Variants in UBXN2A observed in about 807,000 individuals in gnomAD.
UBXN2A encodes the protein UBX domain-containing protein 2A.
A neutral mutation model predicts 28.4 loss-of-function variants in UBXN2A; 28 were observed. The ratio of observed to expected loss-of-function variants is 0.99; its 90% CI spans 0.73 to 1.35. The LOEUF is 1.35. Among genes scored for constraint, UBXN2A ranks in the 40% most tolerant of loss-of-function variants. UBXN2A has a pLI of 0.00. For synonymous variants in UBXN2A, 97 were observed against 103.6 expected (o/e 0.94, Z 0.39); for missense variants, 253 against 297.9 (o/e 0.85, Z 1.11).
Position 23,958,281 on chromosome 2 carries a change from C to T in UBXN2A, c.-14-20C>T. ...TTTTTACTTACTTTCTTTTTACTTACTTTCTTTGTACTTTTACAGTAAGGC... is the reference window on the plus strand; with the variant it reads ...TTTTTACTTACTTTCTTTTTACTTATTTTCTTTGTACTTTTACAGTAAGGC... On this transcript the variant is annotated intron_variant, in intron 1 of 6. Transcript: ENST00000309033. 1 of 1,572,402 alleles carries T rather than the reference C, an allele frequency of 6.4e-7. No homozygotes were observed. Among genetic ancestry groups the T allele is most frequent in the South Asian group, 1.2e-5 (1 of 83,064 alleles).
intron 3 of UBXN2A, among the ~76,000 whole-genome samples, chr2:23,973,240 C>T (rs749269843): frequency 6.6e-6 from 1 of 151,916 alleles, no homozygotes; most frequent in Admixed American, 6.6e-5. Flanking sequence ...AGGCTGGTCT[C>T]GAACTCCTGA....
At position 24,003,585 on chromosome 2, in the gene UBXN2A, G is replaced by A. The variant is rs1294764303; in HGVS notation, c.*3718G>A. On this transcript the variant is annotated 3_prime_UTR_variant, in exon 7 of 7. Coordinates refer to ENST00000309033, the MANE Select transcript of UBXN2A (RefSeq NM_181713.4). Reference sequence around the variant, plus strand: ...CTCTTTTAATTAGGAAGAGAGGGAGGACAAAGGAGAGCCTTTTCTTTTGTC... The same window carrying A: ...CTCTTTTAATTAGGAAGAGAGGGAGAACAAAGGAGAGCCTTTTCTTTTGTC... 6.6e-6 allele frequency: 1 copy of A among 152,042 alleles called. No homozygotes were observed. The highest frequency in any genetic ancestry group is 1.5e-5 in the Non-Finnish European group (1 of 68,014). 9.4% of individuals were successfully genotyped at this position (152,042 alleles called of 1,614,324 possible).
chr2:23,981,511 A>G (rs895328330), intron 4 of UBXN2A, among the ~76,000 whole-genome samples: 10 of 146,762 alleles, frequency 6.8e-5, no homozygotes, highest in African/African-American at 2.2e-4. Context: ...AAAAAAATAG[A>G]AAAGTGCAGA....
At chr2:23,933,228 C>T (rs1431477212) in intron 1 of UBXN2A, among the ~76,000 whole-genome samples, 4 of 151,990 alleles carry the variant, frequency 2.6e-5, no homozygotes, top group African/African-American at 9.7e-5. Context: ...AAGAATAGGC[C>T]AAGCGTGGGG....
chr2:23,991,059 G>A (rs1708334383), intron 6 of UBXN2A, among the ~76,000 whole-genome samples: 1 of 152,098 alleles, frequency 6.6e-6, no homozygotes. Flanking sequence ...TGCCTCCCAT[G>A]TTCTGTCCTA....
chr2:23,963,974 A>T (rs1707049663), intron 2 of UBXN2A, among the ~76,000 whole-genome samples: 1 of 151,970 alleles, frequency 6.6e-6, no homozygotes, highest in Admixed American at 6.6e-5. Context: ...ACAAAAGAAA[A>T]ATTGAAAAAC....
chr2:23,929,805 T>C (rs566049590), intron 1 of UBXN2A, among the ~76,000 whole-genome samples: 2 of 152,190 alleles, frequency 1.3e-5, no homozygotes, highest in Admixed American at 1.3e-4. Context: ...TCCTCCTTTT[T>C]TGTGTGTGTT....
At chr2:23,961,056 A>G (rs778929918) in intron 2 of UBXN2A, among the ~76,000 whole-genome samples, 1 of 152,036 alleles carries the variant, frequency 6.6e-6, no homozygotes. Flanking sequence ...AGGTTCACCT[A>G]TGTTGTAGAG....
At chr2:23,966,456 CTTT>C (rs79851837) in intron 2 of UBXN2A, among the ~76,000 whole-genome samples, 3 of 122,906 alleles carry the variant, frequency 2.4e-5, no homozygotes, top group African/African-American at 3.0e-5. Flanking sequence ...TTCTTTTTTT[CTTT>C]TTTTTTTTTT....
At position 24,003,097 on chromosome 2, in the gene UBXN2A, A is replaced by G. The variant is rs529960372; in HGVS notation, c.*3230A>G. Reference sequence around the variant, plus strand: ...ATGCCATTCCTGCCACCTACCACAAAGATTCTGATTCACTGTATCTGTGAT... The same window carrying G: ...ATGCCATTCCTGCCACCTACCACAAGGATTCTGATTCACTGTATCTGTGAT... On this transcript the variant is annotated 3_prime_UTR_variant, in exon 7 of 7. Transcript: ENST00000309033. The G allele has an allele frequency of 2.6e-4, 40 of 152,236 alleles. No homozygotes were observed. The highest frequency in any genetic ancestry group is 9.6e-4 in the African/African-American group (40 of 41,558). 9.4% of individuals were successfully genotyped at this position (152,236 alleles called of 1,614,324 possible).
upstream of UBXN2A, among the ~76,000 whole-genome samples, chr2:23,937,962 T>C (rs1242610469): frequency 6.6e-6 from 1 of 152,174 alleles, no homozygotes; most frequent in African/African-American, 2.4e-5. Context: ...CTGTAGACAA[T>C]TGTAACATGA....
rs894515238 is a variant in UBXN2A at position 23,955,720 on chromosome 2, C to T, written c.-14-2581C>T. Among the ~76,000 whole-genome samples the T allele has an allele frequency of 1.1e-4, 17 of 152,122 alleles. No individual in the cohort carries two copies. In the South Asian group the frequency reaches 1.2e-3, roughly 11 times the overall value. On this transcript the variant is annotated intron_variant, in intron 1 of 6. Transcript: ENST00000309033. ...GTTATGATATAATGGTAACTATTTG[C>T]GTATCCAAACATATCTCAACATAGA...
intron 2 of UBXN2A, 82 bp from the exon 3 acceptor site, chr2:23,971,194 C>G: frequency 7.2e-7 from 1 of 1,388,772 alleles, no homozygotes. Flanking sequence ...CATCTAAGTT[C>G]AATATCCTTA....
intron 1 of UBXN2A, among the ~76,000 whole-genome samples, chr2:23,943,423 A>C (rs1705868370): frequency 6.6e-6 from 1 of 152,134 alleles, no homozygotes; most frequent in Admixed American, 6.6e-5. Flanking sequence ...TCTCATGTTA[A>C]TAATTTTATA....
intron 1 of UBXN2A, chr2:23,927,643 G>GGA (rs34272688): frequency 0.39 from 55,055 of 141,332 alleles, 11,289 homozygotes; most frequent in East Asian, 0.66. Context: ...AGGGGGGGGG[G>GGA]AAACACCATG....
chr2:23,973,352 T>TC (rs1184646354), intron 3 of UBXN2A, among the ~76,000 whole-genome samples: 1 of 146,444 alleles, frequency 6.8e-6, no homozygotes, highest in African/African-American at 2.5e-5. Flanking sequence ...TTTTTTTTTT[T>TC]CTCTGAGACA....
chr2:23,958,242 C>G, intron 1 of UBXN2A, 59 bp from the exon 2 acceptor site: 1 of 1,422,502 alleles, frequency 7.0e-7, no homozygotes, highest in Non-Finnish European at 9.6e-7. Flanking sequence ...TACATGGTAA[C>G]TTACATATTA....
chr2:23,980,470 C>T (rs1707847629), intron 4 of UBXN2A, among the ~76,000 whole-genome samples: 1 of 152,064 alleles, frequency 6.6e-6, no homozygotes. Context: ...AAATTATAGC[C>T]ATTTTAGTGG....
intron 1 of UBXN2A, among the ~76,000 whole-genome samples, chr2:23,952,046 A>C (rs1242826391): frequency 6.8e-6 from 1 of 147,752 alleles, no homozygotes; most frequent in Non-Finnish European, 1.5e-5. Context: ...GGCTCACTGC[A>C]ACTTCTGCCT....
Sources: allele counts gnomAD v4.1 joint callset (sites outside exome capture counted in the v4.1 genomes callset), GRCh38; gene constraint gnomAD v4.1.1; transcripts MANE v1.5; gene names NCBI Gene and HGNC (gene_info 2026-07-23, HGNC 2026-07-21).